ATP2A2: variants seen among roughly 807,000 people sequenced by gnomAD.
ATP2A2 encodes sarcoplasmic/endoplasmic reticulum calcium ATPase 2.
A neutral mutation model predicts 109.3 loss-of-function variants in ATP2A2; 14 were observed. That is an observed-to-expected ratio of 0.13 (90% CI 0.08 to 0.20). ATP2A2 has a LOEUF of 0.20. Ranked by LOEUF, ATP2A2 falls within the 10% of genes least tolerant of loss-of-function variation. ATP2A2 has a pLI of 1.00. For missense variants in ATP2A2, 657 were observed against 1,321.6 expected (o/e 0.50, Z 7.80); for synonymous variants, 506 against 490.9 (o/e 1.03, Z -0.41).
chr12:110,334,778 G>A (rs1489003107), intron 11 of ATP2A2, among the ~76,000 whole-genome samples: 1 of 151,792 alleles, frequency 6.6e-6, no homozygotes, highest in East Asian at 1.9e-4. Flanking sequence ...TCGTAGAAAG[G>A]GGTTTCACCA....
intron 3 of ATP2A2, among the ~76,000 whole-genome samples, chr12:110,289,254 T>C (rs1873002271): frequency 6.6e-6 from 1 of 152,254 alleles, no homozygotes; most frequent in African/African-American, 2.4e-5. Context: ...TCATAGTTAC[T>C]CTTCAAGTTG....
intron 11 of ATP2A2, among the ~76,000 whole-genome samples, chr12:110,334,790 G>A (rs1193492237): frequency 6.6e-6 from 1 of 151,964 alleles, no homozygotes; most frequent in Non-Finnish European, 1.5e-5. Context: ...GTTTCACCAT[G>A]CTAGCCAGGC....
intron 7 of ATP2A2, 96 bp downstream of exon 7, chr12:110,326,571 C>A: frequency 8.7e-7 from 1 of 1,150,716 alleles, no homozygotes; most frequent in Non-Finnish European, 1.3e-6. Flanking sequence ...GGCTATCATT[C>A]TAAAGGATAA....
chr12:110,345,972 G>C lies in ATP2A2; in HGVS notation c.2742-29G>C, dbSNP rs570991086. The C allele has an allele frequency of 6.2e-6, 10 of 1,609,302 alleles. No homozygotes were observed. In the African/African-American group the frequency reaches 1.2e-4, roughly 19 times the overall value. ...GTGACACGTGCCTTGCCTTGGGGGT[G>C]CGTTTCCCCACCTCTCCTTGCTCTG... On this transcript the variant is annotated intron_variant, in intron 18 of 19. Coordinates refer to ENST00000539276, the MANE Select transcript of ATP2A2 (RefSeq NM_170665.4).
intron 4 of ATP2A2, among the ~76,000 whole-genome samples, chr12:110,293,309 C>G (rs956560188): frequency 1.3e-5 from 2 of 151,462 alleles, no homozygotes; most frequent in Non-Finnish European, 2.9e-5. Flanking sequence ...ACCTCGTGAT[C>G]CACCCACCTC....
At chr12:110,293,826 ATGTG>A (rs59260681) in intron 4 of ATP2A2, among the ~76,000 whole-genome samples, 1,194 of 108,554 alleles carry the variant, frequency 0.011, 30 homozygotes, top group African/African-American at 0.03. Context: ...TGCCATATAT[ATGTG>A]TGTGTGTGTG....
intron 5 of ATP2A2, among the ~76,000 whole-genome samples, chr12:110,298,591 A>G (rs1874217886): frequency 6.6e-6 from 1 of 152,114 alleles, no homozygotes; most frequent in South Asian, 2.1e-4. Flanking sequence ...GGTGGCTCCC[A>G]CCTGTAGTCC....
At chr12:110,308,055 G>A (rs568374635) in intron 5 of ATP2A2, among the ~76,000 whole-genome samples, 2 of 152,214 alleles carry the variant, frequency 1.3e-5, no homozygotes, top group South Asian at 2.1e-4. Context: ...CTTTGCTAGC[G>A]TGTAGAAATA....
chr12:110,282,601 C>T lies in ATP2A2; in HGVS notation c.119-3C>T, dbSNP rs1032649497. On this transcript the variant is annotated splice_polypyrimidine_tract_variant and splice_region_variant and intron_variant, in intron 1 of 19. Coordinates refer to ENST00000539276, the MANE Select transcript of ATP2A2 (RefSeq NM_170665.4). ...TTGCTTGACGAATTTCTACATTCTA[C>T]AGAGTTACCGGCTGAAGAAGGTAAT... 1 of 1,613,716 alleles carries T rather than the reference C, an allele frequency of 6.2e-7. No individual in the cohort carries two copies. The highest frequency in any genetic ancestry group is 8.5e-7 in the Non-Finnish European group (1 of 1,179,928).
intron 17 of ATP2A2, 136 bp from the exon 18 acceptor site, chr12:110,345,112 GC>G: frequency 6.7e-7 from 1 of 1,503,512 alleles, no homozygotes; most frequent in Non-Finnish European, 9.3e-7. Flanking sequence ...AAGGACCAGG[GC>G]TTCTCCGAGA....
In ATP2A2 at chr12:110,346,275, C is replaced by T. The variant is rs767331508; in HGVS notation, c.2934C>T (p.Leu978=). The T allele has an allele frequency of 5.0e-6, 8 of 1,614,066 alleles. No individual in the cohort carries two copies. In the African/African-American group the frequency reaches 9.3e-5, roughly 19 times the overall value. The change falls in exon 20 of 20, where the codon CTC becomes CTT. Residue 978 remains leucine (L), a synonymous_variant. Transcript: ENST00000539276. ...TGAAAATCTCCTTGCCCGTGATTCT[C>T]ATGGATGAGACGCTCAAGTTTGTGG... ...MVLKISLPVI[L]MDETLKFVAR... is the part of the protein sequence containing the mutation.
At chr12:110,282,087 C>A (rs1232303262) in intron 1 of ATP2A2, among the ~76,000 whole-genome samples, 180 bp downstream of exon 1, 2 of 152,150 alleles carry the variant, frequency 1.3e-5, no homozygotes, top group African/African-American at 4.8e-5. Flanking sequence ...GCCTCGCCTT[C>A]CCTGGACCTC....
intron 3 of ATP2A2, among the ~76,000 whole-genome samples, chr12:110,285,404 A>G (rs1370630878): frequency 1.3e-5 from 2 of 152,182 alleles, no homozygotes; most frequent in Non-Finnish European, 2.9e-5. Context: ...TTTGTTCTAA[A>G]TGTAACACAT....
In ATP2A2 at chr12:110,350,414, A is replaced by G; in HGVS notation, c.*3944A>G. On this transcript the variant is annotated 3_prime_UTR_variant, in exon 20 of 20. Coordinates refer to ENST00000539276, the MANE Select transcript of ATP2A2 (RefSeq NM_170665.4). Reference sequence around the variant, plus strand: ...TGCATGACTGATGTTGGGGAAAAAGAAAAGTAAAAAACTTCCCAACTCACT... The same window carrying G: ...TGCATGACTGATGTTGGGGAAAAAGGAAAGTAAAAAACTTCCCAACTCACT... The G allele has an allele frequency of 1.9e-6, 3 of 1,579,484 alleles. No individual in the cohort carries two copies.
In ATP2A2 at chr12:110,349,464, C is replaced by T. The variant is rs1302898015; in HGVS notation, c.*2994C>T. ...CCCAGAAGACCAACAATCATACATA[C>T]CCTAACTGGGACACCACTCTGCAGA... On this transcript the variant is annotated 3_prime_UTR_variant, in exon 20 of 20. Transcript: ENST00000539276. 8.1e-6 allele frequency: 8 copies of T among 985,442 alleles called. No individual in the cohort carries two copies. The South Asian group carries it at 2.8e-4, about 35-fold the overall frequency. The allele number at this position is 985,442 out of a possible 1,614,324, so 61.0% of individuals were successfully genotyped here.
Position 110,348,261 on chromosome 12 carries a change from TCCCCCACC to T in ATP2A2, c.*1797_*1804del, listed in dbSNP as rs1007028565. On this transcript the variant is annotated 3_prime_UTR_variant, in exon 20 of 20. Transcript: ENST00000539276. ...CGTCTTAAATAGGCCACTTCCCCAC[TCCCCCACC>T]CCCCCTTGCTTGGTCTTGTCCTTGG... 2.3e-5 allele frequency: 22 copies of T among 975,298 alleles called. No individual in the cohort carries two copies. In the African/African-American group the frequency reaches 2.3e-4, roughly 10 times the overall value. The allele number at this position is 975,298 out of a possible 1,614,324, so 60.4% of individuals were successfully genotyped here.
At chr12:110,328,116 A>G (rs1877984061) in intron 8 of ATP2A2, 99 bp downstream of exon 8, 1 of 1,218,568 alleles carries the variant, frequency 8.2e-7, no homozygotes, top group Admixed American at 1.9e-5. Context: ...AATTTCATAC[A>G]TTTCTGTGGG....
chr12:110,317,368 A>T (rs1450456901), intron 5 of ATP2A2, among the ~76,000 whole-genome samples: 1 of 152,130 alleles, frequency 6.6e-6, no homozygotes, highest in African/African-American at 2.4e-5. Context: ...AATACAATTG[A>T]TTAATAAAAA....
chr12:110,323,095 T>C (rs1448982038), intron 6 of ATP2A2, 23 bp downstream of exon 6: 11 of 1,571,390 alleles, frequency 7.0e-6, no homozygotes, highest in Middle Eastern at 1.7e-4. Context: ...TATTAAGTCA[T>C]TGAATTTCTG....
Sources: allele counts gnomAD v4.1 joint callset (sites outside exome capture counted in the v4.1 genomes callset), GRCh38; gene constraint gnomAD v4.1.1; transcripts MANE v1.5; gene names NCBI Gene and HGNC (gene_info 2026-07-23, HGNC 2026-07-21).